The following DENND3 variants were observed in gnomAD, a reference collection of about 807,000 sequenced individuals.
DENND3 encodes the protein DENN domain-containing protein 3.
Under a neutral mutation model 135.1 loss-of-function variants are expected in DENND3, and 88 were observed. The observed-to-expected ratio is 0.65, with a 90% CI of 0.55 to 0.78. The LOEUF is 0.78. Ranked by LOEUF, DENND3 falls within the 30% of genes least tolerant of loss-of-function variation. The pLI, the probability that DENND3 is intolerant of heterozygous loss-of-function variation, is 0.00. For synonymous variants in DENND3, 693 were observed against 712.3 expected (o/e 0.97, Z 0.43); for missense variants, 1,392 against 1,688.4 (o/e 0.82, Z 3.08).
At chr8:141,188,068 G>T (rs1325450224) in intron 18 of DENND3, among the ~76,000 whole-genome samples, 1 of 151,622 alleles carries the variant, frequency 6.6e-6, no homozygotes, top group Non-Finnish European at 1.5e-5. Flanking sequence ...TCAGCCAGGC[G>T]TGGTGGCATC....
At chr8:141,161,866 T>C (rs867202031) in intron 9 of DENND3, among the ~76,000 whole-genome samples, 43 of 146,316 alleles carry the variant, frequency 2.9e-4, no homozygotes, top group African/African-American at 8.8e-4. Flanking sequence ...AGTGACGCCA[T>C]CTGGGCTCAC....
rs1034853629 is a variant in DENND3, at chr8:141,146,050, T to A, written c.735+1791T>A. 9.2e-5 allele frequency among the ~76,000 whole-genome samples: 14 copies of A among 151,766 alleles called. No individual in the cohort carries two copies. Among genetic ancestry groups the A allele is most frequent in the African/African-American group, 3.1e-4 (13 of 41,304 alleles). ...TTTTAGTAGAGATGGGGTTTCACCT[T>A]GTTAGCCAGGGTGGTCTCGATCTCC... On this transcript the variant is annotated intron_variant, in intron 5 of 22. Coordinates refer to ENST00000519811, the MANE Select transcript of DENND3 (RefSeq NM_001352890.3). The surrounding 1 kb of genome is among the most constrained non-coding windows in gnomAD (Gnocchi z 4.3).
In DENND3 at chr8:141,163,403, C is replaced by T. The variant is rs780649337; in HGVS notation, c.1423C>T (p.Pro475Ser). ...TGAAGAATTTCTCAAAACCAGGGCTCCAGGGGACCATCAGTTTTATAAGCA... is the reference window on the plus strand; with the variant it reads ...TGAAGAATTTCTCAAAACCAGGGCTTCAGGGGACCATCAGTTTTATAAGCA... ...NSEEFLKTRAPGDHQFYKQVL... is the reference protein window; with the variant it reads ...NSEEFLKTRASGDHQFYKQVL... Residue 475 changes from proline (P) to serine (S), a missense_variant, in exon 10 of 23, where the codon CCA becomes TCA. By Grantham distance (74) the Pro-to-Ser change is moderately conservative. Transcript: ENST00000519811. The T allele has an allele frequency of 5.8e-5, 93 of 1,612,798 alleles. No homozygotes were observed. Among genetic ancestry groups the T allele is most frequent in the Non-Finnish European group, 7.6e-5 (90 of 1,179,006 alleles).
chr8:141,129,605 C>T (rs1471179214), intron 1 of DENND3: 1 of 152,262 alleles, frequency 6.6e-6, no homozygotes, highest in Non-Finnish European at 1.5e-5. Context: ...TCCTGGTCCG[C>T]CTGTCTGTGA....
At chr8:141,140,879 C>G (rs1364113141) in intron 3 of DENND3, among the ~76,000 whole-genome samples, 1 of 152,214 alleles carries the variant, frequency 6.6e-6, no homozygotes, top group Non-Finnish European at 1.5e-5. Flanking sequence ...CCTGCATTTT[C>G]TCCCCTTGTA....
Position 141,176,729 on chromosome 8 carries a change from T to G in DENND3, c.2674T>G (p.Trp892Gly). The G allele has an allele frequency of 3.1e-6, 5 of 1,614,086 alleles. No individual in the cohort carries two copies. The highest frequency in any genetic ancestry group is 4.2e-6 in the Non-Finnish European group (5 of 1,179,958). The change falls in exon 15 of 23, where the codon TGG (tryptophan) becomes GGG (glycine). Residue 892 changes from tryptophan (W) to glycine (G), a missense_variant. By Grantham distance (184) the Trp-to-Gly change is radical. Transcript: ENST00000519811. ...TTGGCACCTGATGGTGAAGGAGATG[T>G]GGGCTGGGAAGAAGCTGGCCGATGA... ...DLWHLMVKEM[W>G]AGKKLADDHK...
chr8:141,160,271 C>T (rs540637887), intron 8 of DENND3, among the ~76,000 whole-genome samples: 1 of 151,798 alleles, frequency 6.6e-6, no homozygotes, highest in East Asian at 1.9e-4. Context: ...CTCCACCTCC[C>T]AGGTTCAAGC....
chr8:141,187,848 A>G (rs1824104523), intron 18 of DENND3, among the ~76,000 whole-genome samples: 1 of 152,218 alleles, frequency 6.6e-6, no homozygotes, highest in African/African-American at 2.4e-5. Context: ...AAAATTAGGG[A>G]AATTATTTTT....
Position 141,141,636 on chromosome 8 carries a change from G to T in DENND3, c.623+312G>T. 1 of 314,650 alleles carries T rather than the reference G, an allele frequency of 3.2e-6. No individual in the cohort carries two copies. Among genetic ancestry groups the T allele is most frequent in the Non-Finnish European group, 6.0e-6 (1 of 166,758 alleles). 19.5% of individuals were successfully genotyped at this position (314,650 alleles called of 1,614,324 possible). On this transcript the variant is annotated intron_variant, in intron 4 of 22. Transcript: ENST00000519811. This position sits in a 1 kb window ranked among gnomAD's most constrained non-coding sequence, Gnocchi z 5.3. ...TGTCGGAAGTAAGGTTGATGTTCAGGATTTTCATTTTGTTTAGTTTTTCAC... is the reference window on the plus strand; with the variant it reads ...TGTCGGAAGTAAGGTTGATGTTCAGTATTTTCATTTTGTTTAGTTTTTCAC...
intron 15 of DENND3, 92 bp downstream of exon 15, chr8:141,176,853 T>A: frequency 6.8e-7 from 1 of 1,464,326 alleles, no homozygotes; most frequent in Non-Finnish European, 9.4e-7. Context: ...CAGCTGTGAG[T>A]GCTCGGGCTC....
At position 141,168,440 on chromosome 8, in the gene DENND3, G is replaced by A. The variant is rs772247334; in HGVS notation, c.2190G>A (p.Leu730=). The A allele has an allele frequency of 6.2e-7, 1 of 1,613,816 alleles. No homozygotes were observed. The highest frequency in any genetic ancestry group is 1.1e-5 in the South Asian group (1 of 91,088). Residue 730 remains leucine, a synonymous_variant, in exon 13 of 23, where the codon CTG becomes CTA. Transcript: ENST00000519811. The surrounding 1 kb of genome is among the most constrained non-coding windows in gnomAD (Gnocchi z 6.2). ...AGCTGCCCAAGAAGCACATGCAGCT[G>A]GGCGACTTCATGAAGCGGGTCCAGG... ...KFKLPKKHMQ[L]GDFMKRVQES...
rs772484656 is a variant in DENND3 at position 141,128,661 on chromosome 8, C to T, written c.-47C>T. ...CCCCAGGGGTCTGCGGGCGACTGCG[C>T]GGCTGAGGCGCCCGAGTGCGGTACT... On this transcript the variant is annotated 5_prime_UTR_variant, in exon 1 of 23. Coordinates refer to ENST00000519811, the MANE Select transcript of DENND3 (RefSeq NM_001352890.3). The surrounding 1 kb of genome is among the most constrained non-coding windows in gnomAD (Gnocchi z 4.5). The T allele has an allele frequency of 7.7e-5, 97 of 1,253,064 alleles. No individual in the cohort carries two copies. Among genetic ancestry groups the T allele is most frequent in the Non-Finnish European group, 9.2e-5 (90 of 983,176 alleles). 77.6% of individuals were successfully genotyped at this position (1,253,064 alleles called of 1,614,324 possible). A position where few individuals can be genotyped will look rare whatever the true frequency, so the allele number is the denominator to read the frequency against.
At position 141,168,697 on chromosome 8, in the gene DENND3, C is replaced by T. The variant is rs545284831; in HGVS notation, c.2275+172C>T. On this transcript the variant is annotated intron_variant, in intron 13 of 22. Coordinates refer to ENST00000519811, the MANE Select transcript of DENND3 (RefSeq NM_001352890.3). This position sits in a 1 kb window ranked among gnomAD's most constrained non-coding sequence, Gnocchi z 6.2. The stretch of plus-strand genomic sequence containing the variant: ...AGTAGCTGGGACTAGACTACAGGTA[C>T]GCGACACCGTGCCCGGCTAATTTTA... 7.9e-5 allele frequency among the ~76,000 whole-genome samples: 12 copies of T among 152,090 alleles called. No homozygotes were observed. Among genetic ancestry groups the T allele is most frequent in the Admixed American group, 4.6e-4 (7 of 15,296 alleles).
chr8:141,185,547 G>C (rs1823784659), intron 18 of DENND3: 2 of 369,556 alleles, frequency 5.4e-6, no homozygotes, highest in South Asian at 3.3e-5. Context: ...TCTAAAAATA[G>C]ATTGCAGGGG....
intron 9 of DENND3, 62 bp downstream of exon 9, chr8:141,160,849 G>T: frequency 3.2e-6 from 5 of 1,556,648 alleles, no homozygotes; most frequent in Non-Finnish European, 4.4e-6. Context: ...CCATTCTATG[G>T]GGATCGTGCA....
intron 18 of DENND3, among the ~76,000 whole-genome samples, chr8:141,187,174 A>ATT (rs201749617): frequency 4.1e-5 from 6 of 145,576 alleles, no homozygotes; most frequent in South Asian, 2.2e-4. Context: ...GCATGATAGG[A>ATT]TTTTTTTTTT....
rs1817845913 is a variant in DENND3, at chr8:141,144,710, C to T, written c.735+451C>T. 6.6e-6 allele frequency among the ~76,000 whole-genome samples: 1 copy of T among 152,122 alleles called. No individual in the cohort carries two copies. The highest frequency in any genetic ancestry group is 1.5e-5 in the Non-Finnish European group (1 of 68,022). The stretch of plus-strand genomic sequence containing the variant: ...TGCCCGCTCCCTTTTGGAGTTTAGG[C>T]ACAGCTGACCAGCATTAGGTTAAAA... On this transcript the variant is annotated intron_variant, in intron 5 of 22. Transcript: ENST00000519811. This position sits in a 1 kb window ranked among gnomAD's most constrained non-coding sequence, Gnocchi z 4.4.
chr8:141,190,433 G>T lies in DENND3; in HGVS notation c.3379+16G>T. On this transcript the variant is annotated intron_variant, in intron 20 of 22. Coordinates refer to ENST00000519811, the MANE Select transcript of DENND3 (RefSeq NM_001352890.3). ...CTGTGGTGCTGTAAGTCCGGCCCCT[G>T]CCATCAGAGCGGGCACCCTACCTCC... The T allele has an allele frequency of 6.3e-7, 1 of 1,598,228 alleles. No individual in the cohort carries two copies.
intron 9 of DENND3, among the ~76,000 whole-genome samples, chr8:141,162,605 G>T (rs7015684): frequency 1 from 152,090 of 152,310 alleles, 75,935 homozygotes; most frequent in Middle Eastern, 1. Flanking sequence ...TGCTAAAATC[G>T]CGAGTTTGTA....
Sources: gnomAD v4.1 joint callset for allele counts (sites outside exome capture counted in the v4.1 genomes callset) on GRCh38, gnomAD v4.1.1 for gene constraint, Gnocchi (gnomAD v3.1) non-coding constraint, MANE v1.5 for transcripts, NCBI Gene and HGNC (gene_info 2026-07-23, HGNC 2026-07-21) for gene names.